Variants in UNC45B observed in about 807,000 individuals in gnomAD.
UNC45B encodes the protein unc-45 myosin chaperone B, also known as protein unc-45 homolog B.
UNC45B carries 78 observed loss-of-function variants against 98.7 expected under a neutral mutation model. The ratio of observed to expected loss-of-function variants is 0.79; its 90% CI spans 0.66 to 0.95. The LOEUF (loss-of-function observed/expected upper bound fraction) is 0.95. Among genes scored for constraint, UNC45B ranks in the 40% least tolerant of loss-of-function variants. The pLI is 0.00. For synonymous variants in UNC45B, 462 were observed against 480.4 expected, an observed-to-expected ratio of 0.96 and a Z score of 0.50; for missense variants, 1,225 against 1,184.9, an observed-to-expected ratio of 1.03 and a Z score of -0.50.
chr17:35,176,105 C>G (rs1567766783), intron 15 of UNC45B, 71 bp downstream of exon 15: 1 of 1,488,214 alleles, frequency 6.7e-7, no homozygotes, highest in African/African-American at 1.4e-5. Context: ...AATTATGTAC[C>G]CTCTGCCCCA....
intron 4 of UNC45B, 120 bp from the exon 5 acceptor site, chr17:35,152,773 A>G (rs570232490): frequency 6.5e-6 from 5 of 775,184 alleles, no homozygotes; most frequent in Non-Finnish European, 1.2e-5. Context: ...GAATACATGA[A>G]TGAACGTATG....
rs1429431536 is a variant in UNC45B, at chr17:35,188,821, C to T, written c.*2262C>T. 6.6e-6 allele frequency: 1 copy of T among 152,036 alleles called. No homozygotes were observed. Among genetic ancestry groups the T allele is most frequent in the African/African-American group, 2.4e-5 (1 of 41,378 alleles). 9.4% of individuals were successfully genotyped at this position (152,036 alleles called of 1,614,324 possible). A position where few individuals can be genotyped will look rare whatever the true frequency, so the allele number is the denominator to read the frequency against. On this transcript the variant is annotated 3_prime_UTR_variant, in exon 20 of 20. Transcript: ENST00000394570. Reference sequence around the variant, plus strand: ...GTCTGGCTAAGTCTTCATGGGAGGCCTTTAAGAAAAGCTGTGACAAATACC... The same window carrying T: ...GTCTGGCTAAGTCTTCATGGGAGGCTTTTAAGAAAAGCTGTGACAAATACC...
chr17:35,153,405 A>G, intron 5 of UNC45B, among the ~76,000 whole-genome samples: 1 of 152,328 alleles, frequency 6.6e-6, no homozygotes, highest in East Asian at 1.9e-4. Context: ...ATTTTATTTC[A>G]TTAAAAAATA....
chr17:35,185,045 T>C (rs1366163240), intron 19 of UNC45B, among the ~76,000 whole-genome samples: 4 of 152,232 alleles, frequency 2.6e-5, no homozygotes, highest in African/African-American at 4.8e-5. Flanking sequence ...CAGTTACACT[T>C]CAGCGTAGAA....
At chr17:35,165,190 G>T (rs994119414) in intron 9 of UNC45B, among the ~76,000 whole-genome samples, 2 of 152,130 alleles carry the variant, frequency 1.3e-5, no homozygotes, top group African/African-American at 4.8e-5. Context: ...CCTACCACTG[G>T]CTTCTGTGGT....
intron 8 of UNC45B, among the ~76,000 whole-genome samples, chr17:35,160,318 G>C (rs915199802): frequency 2.7e-4 from 41 of 152,220 alleles, no homozygotes; most frequent in African/African-American, 9.6e-4. Flanking sequence ...CCTTTTATCT[G>C]TAGCTATCTG....
At position 35,168,271 on chromosome 17, in the gene UNC45B, C is replaced by T. The variant is rs781511383; in HGVS notation, c.1362C>T (p.Arg454=). Residue 454 remains arginine, a synonymous_variant, in exon 10 of 20, where the codon CGC becomes CGT. Coordinates refer to ENST00000394570, the MANE Select transcript of UNC45B (RefSeq NM_001267052.2). ...TCCATGCCTCCACGAAGCTCAGCCGCGCCACCTTCATCATCACCAATGGAG... is the reference window on the plus strand; with the variant it reads ...TCCATGCCTCCACGAAGCTCAGCCGTGCCACCTTCATCATCACCAATGGAG... ...ALIHASTKLS[R]ATFIITNGVS... is the part of the protein sequence containing the mutation. 38 of 1,539,498 alleles carry T rather than the reference C, an allele frequency of 2.5e-5. No individual in the cohort carries two copies. The highest frequency in any genetic ancestry group is 8.0e-5 in the Admixed American group (4 of 50,000).
chr17:35,162,737 T>G (rs2092110532), intron 8 of UNC45B, among the ~76,000 whole-genome samples: 2 of 152,176 alleles, frequency 1.3e-5, no homozygotes, highest in African/African-American at 4.8e-5. Context: ...CCCGCCACCA[T>G]GCCCAGCTAA....
chr17:35,153,527 A>G (rs1287224234), intron 5 of UNC45B, among the ~76,000 whole-genome samples: 1 of 152,134 alleles, frequency 6.6e-6, no homozygotes, highest in Non-Finnish European at 1.5e-5. Flanking sequence ...GCAGGGGAAA[A>G]AAATTGAACA....
At position 35,175,958 on chromosome 17, in the gene UNC45B, G is replaced by T. The variant is rs773995015; in HGVS notation, c.1959-10G>T. On this transcript the variant is annotated splice_polypyrimidine_tract_variant and intron_variant, in intron 14 of 19. Transcript: ENST00000394570. ...GTATTAACTGTTCTCCTTTCTTCTC[G>T]GTCCCACAGGGTATTCCTGGCACTG... The T allele has an allele frequency of 1.2e-6, 2 of 1,613,116 alleles. No homozygotes were observed. Among genetic ancestry groups the T allele is most frequent in the East Asian group, 2.2e-5 (1 of 44,832 alleles).
At position 35,163,417 on chromosome 17, in the gene UNC45B, A is replaced by T. The variant is rs114364029; in HGVS notation, c.980-578A>T. 5.2e-3 allele frequency among the ~76,000 whole-genome samples: 789 copies of T among 152,342 alleles called. 8 individuals carry two copies. The highest frequency in any genetic ancestry group is 0.018 in the African/African-American group (746 of 41,580). ...ACTGTTGAATTTGCCCAACGGTAAT[A>T]GGAAGCCATTGAAGATTTTTCAACA... On this transcript the variant is annotated intron_variant, in intron 8 of 19. Transcript: ENST00000394570.
rs974853185 is a variant in UNC45B, at chr17:35,188,446, A to C, written c.*1887A>C. On this transcript the variant is annotated 3_prime_UTR_variant, in exon 20 of 20. Transcript: ENST00000394570. ...GTTCAGGGCCAGTTAGATAAAGTTC[A>C]TCTTGTTTGGATTGGAGAGACTTTT... 6.8e-6 allele frequency: 1 copy of C among 147,018 alleles called. No individual in the cohort carries two copies. The highest frequency in any genetic ancestry group is 2.5e-5 in the African/African-American group (1 of 39,816). 9.1% of individuals were successfully genotyped at this position (147,018 alleles called of 1,614,324 possible).
rs139519608 is a variant in UNC45B at position 35,161,367 on chromosome 17, G to A, written c.979+1822G>A. 1.2e-3 allele frequency among the ~76,000 whole-genome samples: 181 copies of A among 152,308 alleles called. 1 individual carries two copies. Among genetic ancestry groups the A allele is most frequent in the Middle Eastern group, 6.8e-3 (2 of 294 alleles). ...AGGGAGCTGTCAGGATGTCAAACCCGAAGTGAGCTTTTGGGTGAGAGAAGG... is the reference window on the plus strand; with the variant it reads ...AGGGAGCTGTCAGGATGTCAAACCCAAAGTGAGCTTTTGGGTGAGAGAAGG... On this transcript the variant is annotated intron_variant, in intron 8 of 19. Transcript: ENST00000394570.
chr17:35,158,797 G>A (rs957191108), intron 7 of UNC45B, among the ~76,000 whole-genome samples: 1 of 152,218 alleles, frequency 6.6e-6, no homozygotes. Context: ...ATGGTTTGGA[G>A]AGCTTTACTT....
chr17:35,180,891 G>T (rs2092269409), intron 18 of UNC45B, among the ~76,000 whole-genome samples: 1 of 152,104 alleles, frequency 6.6e-6, no homozygotes, highest in Admixed American at 6.5e-5. Context: ...AAAATACAAA[G>T]CTGGGGCTTT....
chr17:35,150,008 T>C, intron 3 of UNC45B, 40 bp from the exon 4 acceptor site: 1 of 1,538,806 alleles, frequency 6.5e-7, no homozygotes, highest in Admixed American at 1.9e-5. Flanking sequence ...GTCTGTAGTC[T>C]GGCTCCCTAA....
intron 7 of UNC45B, among the ~76,000 whole-genome samples, chr17:35,156,540 C>T (rs1197710956): frequency 2.6e-5 from 4 of 152,056 alleles, no homozygotes; most frequent in Non-Finnish European, 2.9e-5. Flanking sequence ...GCAGAAGAAT[C>T]GTTTGAGCCG....
At chr17:35,185,010 G>A (rs72823685) in intron 19 of UNC45B, among the ~76,000 whole-genome samples, 15,409 of 152,070 alleles carry the variant, frequency 0.1, 951 homozygotes, top group East Asian at 0.21. Context: ...TCATCCCAGG[G>A]AGCGATGGGC....
At chr17:35,170,907 C>G (rs557639530) in intron 12 of UNC45B, among the ~76,000 whole-genome samples, 1 of 152,126 alleles carries the variant, frequency 6.6e-6, no homozygotes, top group Non-Finnish European at 1.5e-5. Flanking sequence ...CAGGCCCCCC[C>G]AGACTCCTTT....
Sources: gnomAD v4.1 joint callset for allele counts (sites outside exome capture counted in the v4.1 genomes callset) on GRCh38, gnomAD v4.1.1 for gene constraint, MANE v1.5 for transcripts, NCBI Gene and HGNC (gene_info 2026-07-23, HGNC 2026-07-21) for gene names.